Variants in REC114 observed in about 807,000 individuals in gnomAD.
REC114 encodes the protein REC114 meiotic recombination protein.
A neutral mutation model predicts 31.3 loss-of-function variants in REC114; 27 were observed. The ratio of observed to expected loss-of-function variants is 0.86; its 90% CI spans 0.64 to 1.19. The LOEUF is 1.19. REC114 is among the 50% of genes most tolerant of loss of function. The pLI is 0.00. For synonymous variants in REC114, 134 were observed against 127.7 expected (o/e 1.05, Z -0.33); for missense variants, 344 against 326.9 (o/e 1.05, Z -0.40).
intron 2 of REC114, among the ~76,000 whole-genome samples, chr15:73,538,419 G>C (rs1894189359): frequency 6.7e-6 from 1 of 148,276 alleles, no homozygotes; most frequent in South Asian, 2.1e-4. Flanking sequence ...TGATACTAGA[G>C]AACTTTAAAT....
At chr15:73,500,366 AAAC>A (rs1258482856) in intron 2 of REC114, among the ~76,000 whole-genome samples, 2 of 151,894 alleles carry the variant, frequency 1.3e-5, no homozygotes, top group African/African-American at 4.8e-5. Context: ...AAAAAAAAAA[AAAC>A]TTGTTTCCCC....
chr15:73,473,149 G>C (rs543925081), intron 1 of REC114, among the ~76,000 whole-genome samples: 1 of 152,130 alleles, frequency 6.6e-6, no homozygotes, highest in Non-Finnish European at 1.5e-5. Flanking sequence ...CAGCACTTTG[G>C]GAGGCTGAGG....
At position 73,532,554 on chromosome 15, in the gene REC114, C is replaced by T. The variant is rs1459793900; in HGVS notation, c.250-7931C>T. ...TTCCAGTTCTAGATCCCTGAGGAAT[C>T]GCCACACTGACTTCCACAATGGTTG... On this transcript the variant is annotated intron_variant, in intron 2 of 5. Transcript: ENST00000331090. Among the ~76,000 whole-genome samples the T allele has an allele frequency of 3.3e-5, 5 of 151,618 alleles. No homozygotes were observed. The South Asian group carries it at 8.4e-4, about 25-fold the overall frequency.
intron 2 of REC114, among the ~76,000 whole-genome samples, chr15:73,538,832 G>C (rs1045872805): frequency 1.3e-5 from 2 of 151,356 alleles, no homozygotes; most frequent in Non-Finnish European, 2.9e-5. Context: ...CCATTGTATA[G>C]AGTACCACAA....
chr15:73,449,465 G>T (rs144089554), intron 1 of REC114, among the ~76,000 whole-genome samples: 2 of 152,054 alleles, frequency 1.3e-5, no homozygotes, highest in African/African-American at 4.8e-5. Flanking sequence ...GAAAAGAAAC[G>T]AACAAAGCCT....
intron 1 of REC114, among the ~76,000 whole-genome samples, chr15:73,447,122 T>C (rs1023058236): frequency 5.9e-5 from 9 of 151,996 alleles, no homozygotes; most frequent in African/African-American, 2.2e-4. Context: ...GAGTAGATGG[T>C]TGAAGAATGG....
At chr15:73,509,392 G>C (rs1893730626) in intron 2 of REC114, among the ~76,000 whole-genome samples, 1 of 150,430 alleles carries the variant, frequency 6.6e-6, no homozygotes, top group Non-Finnish European at 1.5e-5. Context: ...TTTGTAGGTT[G>C]CCTGTTCACT....
At position 73,559,833 on chromosome 15, in the gene REC114, T is replaced by C. The variant is rs1330216496; in HGVS notation, c.718T>C (p.Leu240=). The part of the protein sequence containing the change: ...GAEELGPFLR[L]CLMDQNFPAF... Reference sequence around the variant, plus strand: ...AGAAGAGTTAGGCCCCTTCCTACGTTTGTGCCTTATGGATCAGAATTTCCC... The same window carrying C: ...AGAAGAGTTAGGCCCCTTCCTACGTCTGTGCCTTATGGATCAGAATTTCCC... Residue 240 remains leucine (L), a synonymous_variant, in exon 6 of 6, where the codon TTG becomes CTG. Coordinates refer to ENST00000331090, the MANE Select transcript of REC114 (RefSeq NM_001042367.2). The C allele has an allele frequency of 1.9e-6, 3 of 1,612,914 alleles. No individual in the cohort carries two copies. Among genetic ancestry groups the C allele is most frequent in the East Asian group, 4.5e-5 (2 of 44,840 alleles).
At chr15:73,557,203 G>A (rs1312968963) in intron 5 of REC114, among the ~76,000 whole-genome samples, 3 of 151,690 alleles carry the variant, frequency 2.0e-5, no homozygotes, top group Non-Finnish European at 4.4e-5. Context: ...CTGAGTAGCT[G>A]GGATTACAGG....
chr15:73,555,082 CCT>C (rs1332822725), intron 4 of REC114, among the ~76,000 whole-genome samples: 2 of 152,162 alleles, frequency 1.3e-5, no homozygotes, highest in Non-Finnish European at 2.9e-5. Context: ...TACCTCCACC[CCT>C]CTTTTTTGTT....
intron 2 of REC114, among the ~76,000 whole-genome samples, chr15:73,531,043 A>T (rs1894073703): frequency 6.6e-6 from 1 of 152,188 alleles, no homozygotes; most frequent in Non-Finnish European, 1.5e-5. Flanking sequence ...TGTCATTTTC[A>T]TAAAAATAAA....
intron 2 of REC114, among the ~76,000 whole-genome samples, chr15:73,508,201 G>T (rs989115502): frequency 6.6e-6 from 1 of 152,046 alleles, no homozygotes; most frequent in East Asian, 1.9e-4. Flanking sequence ...ATGAATAAAT[G>T]AATAGAGTAA....
intron 2 of REC114, among the ~76,000 whole-genome samples, chr15:73,539,258 C>CT (rs1426322576): frequency 2.1e-5 from 3 of 140,178 alleles, no homozygotes; most frequent in Admixed American, 7.2e-5. Context: ...TGATAAAATG[C>CT]TTAGAGGTAG....
At chr15:73,489,626 G>T (rs1344176036) in intron 2 of REC114, among the ~76,000 whole-genome samples, 3 of 151,394 alleles carry the variant, frequency 2.0e-5, no homozygotes, top group Admixed American at 1.3e-4. Context: ...TTATGTAAAG[G>T]CCCACCTCTT....
At chr15:73,510,207 G>C (rs1893742360) in intron 2 of REC114, among the ~76,000 whole-genome samples, 1 of 152,086 alleles carries the variant, frequency 6.6e-6, no homozygotes. Context: ...TGAAGCAATT[G>C]TGAATGGGAG....
chr15:73,495,899 C>T (rs1893515448), intron 2 of REC114, among the ~76,000 whole-genome samples: 1 of 152,098 alleles, frequency 6.6e-6, no homozygotes, highest in Admixed American at 6.6e-5. Flanking sequence ...CTTCTTAAAT[C>T]TTTAATATTT....
intron 3 of REC114, among the ~76,000 whole-genome samples, chr15:73,542,706 A>G (rs1894256627): frequency 6.6e-6 from 1 of 151,858 alleles, no homozygotes; most frequent in Non-Finnish European, 1.5e-5. Context: ...TGTCCACCAT[A>G]TAGATAATTT....
At chr15:73,552,162 G>A (rs1278715153) in intron 4 of REC114, among the ~76,000 whole-genome samples, 1 of 152,168 alleles carries the variant, frequency 6.6e-6, no homozygotes, top group Non-Finnish European at 1.5e-5. Flanking sequence ...ATTCTATATT[G>A]CAACTTAACT....
At chr15:73,541,251 A>G (rs1463861189) in intron 3 of REC114, among the ~76,000 whole-genome samples, 1 of 152,150 alleles carries the variant, frequency 6.6e-6, no homozygotes, top group African/African-American at 2.4e-5. Flanking sequence ...CTGACCTCTA[A>G]TTGAAATGTA....
Sources: gnomAD v4.1 joint callset for allele counts (sites outside exome capture counted in the v4.1 genomes callset) on GRCh38, gnomAD v4.1.1 for gene constraint, MANE v1.5 for transcripts, NCBI Gene and HGNC (gene_info 2026-07-23, HGNC 2026-07-21) for gene names.